Variants in CERS6 observed in about 807,000 individuals in gnomAD.
CERS6 encodes LAG1 homolog, ceramide synthase 6.
A neutral mutation model predicts 56.8 loss-of-function variants in CERS6; 26 were observed. The ratio of observed to expected loss-of-function variants is 0.46; its 90% CI spans 0.34 to 0.63. The LOEUF (loss-of-function observed/expected upper bound fraction) is 0.63, where lower values mean the gene tolerates loss of function less well. Among genes scored for constraint, CERS6 ranks in the 30% least tolerant of loss-of-function variants. The probability of loss-of-function intolerance (pLI) is 0.01; values close to 1 mark genes in which losing one functional copy is unlikely to be tolerated. For synonymous variants in CERS6, 164 were observed against 173.3 expected (o/e 0.95, Z 0.42); for missense variants, 415 against 467.5 (o/e 0.89, Z 1.04).
intron 8 of CERS6, among the ~76,000 whole-genome samples, chr2:168,730,907 G>A (rs1683513191): frequency 1.3e-5 from 2 of 152,062 alleles, no homozygotes; most frequent in African/African-American, 2.4e-5. Context: ...AAGAAATGTA[G>A]AATCTAGGAC....
At chr2:168,605,981 C>T (rs1193826948) in intron 3 of CERS6, among the ~76,000 whole-genome samples, 1 of 152,194 alleles carries the variant, frequency 6.6e-6, no homozygotes, top group African/African-American at 2.4e-5. Context: ...CACTGGGGCA[C>T]TGCCTAGCAT....
intron 4 of CERS6, among the ~76,000 whole-genome samples, chr2:168,674,959 C>T (rs1686016876): frequency 6.7e-6 from 1 of 148,412 alleles, no homozygotes; most frequent in African/African-American, 2.5e-5. Flanking sequence ...TTTACATTAC[C>T]TTATTTATTT....
chr2:168,596,466 A>G (rs1683799321), intron 3 of CERS6, among the ~76,000 whole-genome samples: 1 of 151,872 alleles, frequency 6.6e-6, no homozygotes, highest in African/African-American at 2.4e-5. Context: ...GGAAAATGTG[A>G]GATTAAAAGA....
At chr2:168,517,540 AT>A (rs1424350268) in intron 1 of CERS6, among the ~76,000 whole-genome samples, 1 of 151,452 alleles carries the variant, frequency 6.6e-6, no homozygotes, top group Non-Finnish European at 1.5e-5. Flanking sequence ...TAAAATAAAC[AT>A]TAAAAAAAAA....
chr2:168,744,000 T>TC (rs1684011620), intron 8 of CERS6, among the ~76,000 whole-genome samples: 1 of 129,150 alleles, frequency 7.7e-6, no homozygotes, highest in Non-Finnish European at 1.6e-5. Context: ...TTTTTCTTTT[T>TC]TTTTTTTTTT....
chr2:168,731,633 G>A (rs1005370599), intron 8 of CERS6, among the ~76,000 whole-genome samples: 3 of 152,082 alleles, frequency 2.0e-5, no homozygotes, highest in Non-Finnish European at 4.4e-5. Flanking sequence ...GTAGCAGGGG[G>A]TGGGGAATTA....
intron 4 of CERS6, among the ~76,000 whole-genome samples, chr2:168,634,649 G>T (rs1684822750): frequency 6.6e-6 from 1 of 152,156 alleles, no homozygotes; most frequent in Non-Finnish European, 1.5e-5. Context: ...CTGACCTCAG[G>T]TGATCTGCCT....
At chr2:168,507,036 C>CTGTGTG (rs369694778) in intron 1 of CERS6, among the ~76,000 whole-genome samples, 2 of 151,082 alleles carry the variant, frequency 1.3e-5, no homozygotes, top group African/African-American at 4.8e-5. Flanking sequence ...CATGTGTGCA[C>CTGTGTG]TGTGTGTGTG....
intron 3 of CERS6, among the ~76,000 whole-genome samples, chr2:168,614,536 G>C (rs1368861416): frequency 1.3e-5 from 2 of 152,170 alleles, no homozygotes; most frequent in African/African-American, 2.4e-5. Context: ...TGGGGTGCAT[G>C]GTGGGAGTGA....
At chr2:168,614,075 G>A (rs1684251428) in intron 3 of CERS6, among the ~76,000 whole-genome samples, 1 of 152,198 alleles carries the variant, frequency 6.6e-6, no homozygotes, top group African/African-American at 2.4e-5. Flanking sequence ...TGTAAGCATT[G>A]ACAGATTGTT....
chr2:168,489,884 A>T (rs957499929), intron 1 of CERS6, among the ~76,000 whole-genome samples: 5 of 152,128 alleles, frequency 3.3e-5, no homozygotes, highest in African/African-American at 1.2e-4. Context: ...CGTATGTGGA[A>T]TGATGTTGGA....
At chr2:168,577,699 CAG>C (rs1263522896) in intron 3 of CERS6, among the ~76,000 whole-genome samples, 2 of 152,090 alleles carry the variant, frequency 1.3e-5, no homozygotes, top group African/African-American at 4.8e-5. Flanking sequence ...GAAGTCCAGA[CAG>C]GGGCATAGGG....
rs5836191 is a variant in CERS6, at chr2:168,609,974, G to GTTTTTTTTT, written c.408-20998_408-20990dup. ...GGGAGTGAAGACAAAAGATGTGACT[G>GTTTTTTTTT]TTTTTTTTTTTTTTTTTTTTTGAGA... On this transcript the variant is annotated intron_variant, in intron 3 of 9. Coordinates refer to ENST00000305747, the MANE Select transcript of CERS6 (RefSeq NM_203463.3). Among the ~76,000 whole-genome samples, 6 of 93,822 alleles carry GTTTTTTTTT rather than the reference G, an allele frequency of 6.4e-5. 1 individual carries two copies. The highest frequency in any genetic ancestry group is 1.4e-4 in the Admixed American group (1 of 7,006). 61.6% of individuals were successfully genotyped at this position (93,822 alleles called of 152,430 possible).
intron 1 of CERS6, among the ~76,000 whole-genome samples, chr2:168,499,438 C>A (rs1694539216): frequency 6.6e-6 from 1 of 152,158 alleles, no homozygotes; most frequent in African/African-American, 2.4e-5. Flanking sequence ...TATGACATTA[C>A]CACACTTACG....
intron 3 of CERS6, among the ~76,000 whole-genome samples, chr2:168,596,197 A>G (rs1161704398): frequency 2.0e-5 from 3 of 152,212 alleles, no homozygotes. Context: ...CATGAACCAC[A>G]AAGAGAAGAG....
rs539202234 is a variant in CERS6, at chr2:168,763,785, G to A, written c.846-1807G>A. Among the ~76,000 whole-genome samples the A allele has an allele frequency of 3.3e-5, 5 of 152,304 alleles. No individual in the cohort carries two copies. In the South Asian group the frequency reaches 8.3e-4, roughly 25 times the overall value. Reference sequence around the variant, plus strand: ...CCAGCAAAGTGCTGCAGTGGCAGGCGGTAGAAATGCACTTAGGTGAGTTTT... The same window carrying A: ...CCAGCAAAGTGCTGCAGTGGCAGGCAGTAGAAATGCACTTAGGTGAGTTTT... On this transcript the variant is annotated intron_variant, in intron 8 of 9. Coordinates refer to ENST00000305747, the MANE Select transcript of CERS6 (RefSeq NM_203463.3).
intron 6 of CERS6, among the ~76,000 whole-genome samples, chr2:168,705,003 C>T (rs960730905): frequency 6.6e-6 from 1 of 152,122 alleles, no homozygotes; most frequent in Non-Finnish European, 1.5e-5. Flanking sequence ...CTCCTCTTTC[C>T]TGCCTCCTTC....
At position 168,500,114 on chromosome 2, in the gene CERS6, C is replaced by T. The variant is rs558566212; in HGVS notation, c.170+43496C>T. 2.0e-5 allele frequency among the ~76,000 whole-genome samples: 3 copies of T among 152,216 alleles called. No homozygotes were observed. The South Asian group carries it at 6.2e-4, about 32-fold the overall frequency. ...TGGACTCATTCATAGGAAGTGCCTA[C>T]AATACTAAATTTAAAAATGGGTCGC... On this transcript the variant is annotated intron_variant, in intron 1 of 9. Coordinates refer to ENST00000305747, the MANE Select transcript of CERS6 (RefSeq NM_203463.3).
chr2:168,570,854 T>C (rs1695972564), intron 3 of CERS6, among the ~76,000 whole-genome samples: 1 of 152,210 alleles, frequency 6.6e-6, no homozygotes, highest in Non-Finnish European at 1.5e-5. Context: ...GATGTTTGTC[T>C]AATGTGCATC....
Sources: gnomAD v4.1 joint callset for allele counts (sites outside exome capture counted in the v4.1 genomes callset) on GRCh38, gnomAD v4.1.1 for gene constraint, MANE v1.5 for transcripts, NCBI Gene and HGNC (gene_info 2026-07-23, HGNC 2026-07-21) for gene names.